IQCB1: variants seen among roughly 807,000 people sequenced by gnomAD.
The protein encoded by IQCB1 is IQ calmodulin-binding motif-containing protein 1.
Under a neutral mutation model 84.4 loss-of-function variants are expected in IQCB1, and 56 were observed. That is an observed-to-expected ratio of 0.66 (90% CI 0.54 to 0.83). The LOEUF (loss-of-function observed/expected upper bound fraction) is 0.83. IQCB1 is among the 40% of genes least tolerant of loss of function. IQCB1 has a pLI of 0.00. For missense variants in IQCB1, 629 were observed against 682.1 expected (o/e 0.92, Z 0.87); for synonymous variants, 210 against 234.8 (o/e 0.89, Z 0.96).
intron 2 of IQCB1, among the ~76,000 whole-genome samples, chr3:121,833,619 T>A (rs769335297): frequency 5.9e-5 from 9 of 152,204 alleles, no homozygotes; most frequent in Non-Finnish European, 1.0e-4. Flanking sequence ...GAAAAGTATG[T>A]TTATGTACAT....
chr3:121,798,748 G>A (rs373492455), intron 8 of IQCB1, among the ~76,000 whole-genome samples: 1 of 151,708 alleles, frequency 6.6e-6, no homozygotes, highest in East Asian at 1.9e-4. Context: ...TTTGATTTTG[G>A]AGGTAAGGCA....
chr3:121,828,625 T>A lies in IQCB1; in HGVS notation c.108A>T (p.Ile36=). ...CTGAGCTTCCTAAAGGTGTGATGTT[T>A]ATTATTTCTAAGGCAAAAGGAAATA... The part of the protein sequence containing the change: ...PVILLKLKEI[I]NITPLGSSEL... Residue 36 remains isoleucine (I), a synonymous_variant, in exon 4 of 15, where the codon ATA becomes ATT. Transcript: ENST00000310864. 1 of 1,593,748 alleles carries A rather than the reference T, an allele frequency of 6.3e-7. No homozygotes were observed. Among genetic ancestry groups the A allele is most frequent in the Non-Finnish European group, 8.6e-7 (1 of 1,161,960 alleles).
chr3:121,802,298 C>G (rs1421152550), intron 7 of IQCB1, among the ~76,000 whole-genome samples: 1 of 151,882 alleles, frequency 6.6e-6, no homozygotes, highest in Non-Finnish European at 1.5e-5. Context: ...GCTACAAATT[C>G]AATTTTTTTT....
At chr3:121,785,841 T>C (rs1242545285) in intron 12 of IQCB1, among the ~76,000 whole-genome samples, 1 of 152,014 alleles carries the variant, frequency 6.6e-6, no homozygotes, top group Non-Finnish European at 1.5e-5. Context: ...GATTATTTTA[T>C]TGAACAGTGC....
intron 8 of IQCB1, among the ~76,000 whole-genome samples, 154 bp downstream of exon 8, chr3:121,799,042 A>G (rs1949304689): frequency 6.6e-6 from 1 of 151,794 alleles, no homozygotes; most frequent in African/African-American, 2.4e-5. Flanking sequence ...GATTATATAA[A>G]GACTTTTTTT....
At chr3:121,831,526 C>CA (rs1950640084) in intron 2 of IQCB1, among the ~76,000 whole-genome samples, 1 of 152,230 alleles carries the variant, frequency 6.6e-6, no homozygotes, top group East Asian at 1.9e-4. Context: ...ACAGGTAAAA[C>CA]AACTTAGGGC....
intron 7 of IQCB1, among the ~76,000 whole-genome samples, chr3:121,801,408 TG>T (rs927133147): frequency 2.6e-5 from 4 of 152,024 alleles, no homozygotes; most frequent in Admixed American, 1.3e-4. Flanking sequence ...TAACCAACAT[TG>T]AATTAATCAT....
chr3:121,785,964 T>C (rs909772955), intron 12 of IQCB1, among the ~76,000 whole-genome samples: 7 of 148,806 alleles, frequency 4.7e-5, no homozygotes, highest in African/African-American at 1.7e-4. Context: ...AGCTCAGGAG[T>C]TGGAGACCAC....
chr3:121,788,606 T>C (rs1310715003), intron 11 of IQCB1, among the ~76,000 whole-genome samples, 174 bp from the exon 12 acceptor site: 3 of 152,142 alleles, frequency 2.0e-5, no homozygotes, highest in Non-Finnish European at 4.4e-5. Flanking sequence ...AAACAAAGCT[T>C]TCCCAGATTA....
intron 3 of IQCB1, 59 bp from the exon 4 acceptor site, chr3:121,828,691 G>T: frequency 8.0e-7 from 1 of 1,243,600 alleles, no homozygotes; most frequent in Non-Finnish European, 1.2e-6. Flanking sequence ...GGAGCTATTT[G>T]TATTTTTATA....
At chr3:121,781,670 G>T in intron 13 of IQCB1, 73 bp downstream of exon 13, 1 of 1,022,588 alleles carries the variant, frequency 9.8e-7, no homozygotes, top group Non-Finnish European at 1.5e-6. Context: ...CACAATATAT[G>T]TGTGTGTGTG....
chr3:121,773,902 C>A (rs4676745), intron 13 of IQCB1, among the ~76,000 whole-genome samples: 1 of 150,880 alleles, frequency 6.6e-6, no homozygotes. Flanking sequence ...CAACAAAAAC[C>A]AGACAAAATG....
At chr3:121,790,249 C>T in intron 10 of IQCB1, 34 bp from the exon 11 acceptor site, 1 of 1,599,180 alleles carries the variant, frequency 6.3e-7, no homozygotes, top group East Asian at 2.2e-5. Flanking sequence ...ACATAATTTT[C>T]ATAAATCATA....
At chr3:121,780,864 A>ATGTG (rs67059736) in intron 13 of IQCB1, among the ~76,000 whole-genome samples, 1 of 147,576 alleles carries the variant, frequency 6.8e-6, no homozygotes, top group African/African-American at 2.5e-5. Context: ...GTGTGTGTGT[A>ATGTG]TGTGTGTGTG....
chr3:121,818,229 C>T (rs568060527), intron 5 of IQCB1, among the ~76,000 whole-genome samples: 1 of 152,326 alleles, frequency 6.6e-6, no homozygotes, highest in East Asian at 1.9e-4. Flanking sequence ...GTAGACTTAT[C>T]ACTTCTTATA....
chr3:121,809,055 C>CA, intron 5 of IQCB1, 46 bp from the exon 6 acceptor site: 1 of 1,168,342 alleles, frequency 8.6e-7, no homozygotes, highest in South Asian at 1.4e-5. Flanking sequence ...TAGTTTTTTT[C>CA]CTTTTTTTTT....
At chr3:121,802,507 C>A (rs1949443479) in intron 7 of IQCB1, among the ~76,000 whole-genome samples, 1 of 152,046 alleles carries the variant, frequency 6.6e-6, no homozygotes, top group Non-Finnish European at 1.5e-5. Context: ...TGAGATTGGT[C>A]ATTTGTATTA....
chr3:121,779,631 A>G (rs1042952423), intron 13 of IQCB1, among the ~76,000 whole-genome samples: 2 of 152,108 alleles, frequency 1.3e-5, no homozygotes, highest in African/African-American at 2.4e-5. Context: ...CCTCCTCATT[A>G]TGGGTCCTGT....
At chr3:121,777,285 T>C (rs565589833) in intron 13 of IQCB1, among the ~76,000 whole-genome samples, 6 of 152,364 alleles carry the variant, frequency 3.9e-5, no homozygotes, top group East Asian at 1.9e-4. Context: ...ATTCTGGCAC[T>C]GTGCACATGT....
Sources: allele counts gnomAD v4.1 joint callset (sites outside exome capture counted in the v4.1 genomes callset), GRCh38; gene constraint gnomAD v4.1.1; transcripts MANE v1.5; gene names NCBI Gene and HGNC (gene_info 2026-07-23, HGNC 2026-07-21).